SIK2: variants seen among roughly 807,000 people sequenced by gnomAD.
The protein encoded by SIK2 is salt inducible kinase 2, also known as serine/threonine-protein kinase SIK2.
Under a neutral mutation model 103.2 loss-of-function variants are expected in SIK2, and 29 were observed. The observed-to-expected ratio is 0.28, with a 90% confidence interval of 0.21 to 0.38. The LOEUF is 0.38. Ranked by LOEUF, SIK2 falls within the 10% of genes least tolerant of loss-of-function variation. SIK2 has a pLI of 1.00. For synonymous variants in SIK2, 412 were observed against 446.1 expected (o/e 0.92, Z 0.96); for missense variants, 879 against 1,171.0 (o/e 0.75, Z 3.64).
At chr11:111,721,477 CATACTAAAA>C (rs1466917718) in intron 12 of SIK2, among the ~76,000 whole-genome samples, 1 of 152,178 alleles carries the variant, frequency 6.6e-6, no homozygotes, top group Non-Finnish European at 1.5e-5. Flanking sequence ...GTGGATTATT[CATACTAAAA>C]ATACAATAAA....
intron 9 of SIK2, 115 bp downstream of exon 9, chr11:111,712,490 G>C: frequency 9.0e-7 from 1 of 1,109,676 alleles, no homozygotes; most frequent in Non-Finnish European, 1.3e-6. Context: ...AGTCACTCAG[G>C]AGTGATGCTT....
At chr11:111,698,266 C>G (rs1278068244) in intron 4 of SIK2, among the ~76,000 whole-genome samples, 1 of 152,190 alleles carries the variant, frequency 6.6e-6, no homozygotes, top group Non-Finnish European at 1.5e-5. Context: ...TACCACGGGT[C>G]CAGAGAAGTG....
At chr11:111,697,829 C>T (rs1565366329) in intron 4 of SIK2, among the ~76,000 whole-genome samples, 1 of 151,188 alleles carries the variant, frequency 6.6e-6, no homozygotes, top group Non-Finnish European at 1.5e-5. Context: ...TGTCTCTACC[C>T]AAAAAAAGGA....
At chr11:111,632,545 T>C (rs1591595034) in intron 3 of SIK2, among the ~76,000 whole-genome samples, 1 of 152,132 alleles carries the variant, frequency 6.6e-6, no homozygotes, top group Non-Finnish European at 1.5e-5. Flanking sequence ...TCAGAAACCT[T>C]ATAAGATGGA....
chr11:111,662,772 G>C (rs1265371411), intron 3 of SIK2, among the ~76,000 whole-genome samples: 2 of 151,992 alleles, frequency 1.3e-5, no homozygotes, highest in East Asian at 1.9e-4. Flanking sequence ...CAGTTACTTG[G>C]GGGGCTGAGG....
intron 4 of SIK2, among the ~76,000 whole-genome samples, chr11:111,693,301 T>TGGTG (rs1942993934): frequency 6.7e-6 from 1 of 148,460 alleles, no homozygotes; most frequent in African/African-American, 2.5e-5. Context: ...GCCACTGCCC[T>TGGTG]CCAGCCTGGT....
At chr11:111,680,482 A>G (rs1191489257) in intron 3 of SIK2, among the ~76,000 whole-genome samples, 1 of 152,240 alleles carries the variant, frequency 6.6e-6, no homozygotes, top group Non-Finnish European at 1.5e-5. Flanking sequence ...CTCCAAAATT[A>G]CAAACCGATG....
At position 111,705,438 on chromosome 11, in the gene SIK2, C is replaced by T. The variant is rs888189331; in HGVS notation, c.1101+299C>T. ...ATTTTTATTACAGATTTACCACGTG[C>T]GAGCTTCTATTCTTAGGCACTGTTG... is the stretch of plus-strand genomic sequence containing the variant. On this transcript the variant is annotated intron_variant, in intron 8 of 14. Coordinates refer to ENST00000304987, the MANE Select transcript of SIK2 (RefSeq NM_015191.3). This position sits in a 1 kb window ranked among gnomAD's most constrained non-coding sequence, Gnocchi z 4.3. 8.5e-5 allele frequency among the ~76,000 whole-genome samples: 13 copies of T among 152,164 alleles called. No homozygotes were observed. Among genetic ancestry groups the T allele is most frequent in the African/African-American group, 2.4e-4 (10 of 41,436 alleles).
At chr11:111,635,234 C>T (rs189428579) in intron 3 of SIK2, among the ~76,000 whole-genome samples, 1 of 152,110 alleles carries the variant, frequency 6.6e-6, no homozygotes, top group East Asian at 1.9e-4. Context: ...CCGCCATTGA[C>T]TTCTACTATA....
At chr11:111,661,126 T>G (rs1331519047) in intron 3 of SIK2, among the ~76,000 whole-genome samples, 2 of 152,156 alleles carry the variant, frequency 1.3e-5, no homozygotes, top group Non-Finnish European at 2.9e-5. Flanking sequence ...ACTCTTTCTC[T>G]TTGCTTGGTA....
chr11:111,608,036 G>T (rs1475363018), intron 1 of SIK2, among the ~76,000 whole-genome samples: 1 of 152,178 alleles, frequency 6.6e-6, no homozygotes, highest in Non-Finnish European at 1.5e-5. Context: ...GGAGGCAAAT[G>T]GGTTCCAGAA....
In SIK2 at chr11:111,612,915, G is replaced by GATATATATATATATATAT. The variant is rs67675103; in HGVS notation, c.136-3313_136-3296dup. ...CCTTAGAAACAAGGGATAGCAATGG[G>GATATATATATATATATAT]ATATATATATATATATATATATATA... On this transcript the variant is annotated intron_variant, in intron 1 of 14. Transcript: ENST00000304987. Among the ~76,000 whole-genome samples the GATATATATATATATATAT allele has an allele frequency of 8.8e-3, 434 of 49,420 alleles. 7 individuals carry two copies. The highest frequency in any genetic ancestry group is 0.015 in the East Asian group (4 of 260). The allele number at this position is 49,420 out of a possible 152,430, so 32.4% of individuals were successfully genotyped here. A position where few individuals can be genotyped will look rare whatever the true frequency, so the allele number is the denominator to read the frequency against.
intron 3 of SIK2, among the ~76,000 whole-genome samples, chr11:111,629,233 TA>T (rs2135847455): frequency 6.6e-6 from 1 of 152,354 alleles, no homozygotes; most frequent in East Asian, 1.9e-4. Flanking sequence ...CTGTCTAAAG[TA>T]CTTGATTTAT....
Position 111,654,552 on chromosome 11 carries a change from A to G in SIK2, c.317-33449A>G, listed in dbSNP as rs1255303483. ...ACCCTGTTTATAGTTCTATCTGTGT[A>G]AAAACCAAATTATGAGTTACTTAAA... On this transcript the variant is annotated intron_variant, in intron 3 of 14. Transcript: ENST00000304987. Among the ~76,000 whole-genome samples, 4 of 152,178 alleles carry G rather than the reference A, an allele frequency of 2.6e-5. 1 individual carries two copies. The South Asian group carries it at 6.2e-4, about 24-fold the overall frequency.
At chr11:111,616,962 A>G (rs1042374083) in intron 2 of SIK2, among the ~76,000 whole-genome samples, 1 of 152,238 alleles carries the variant, frequency 6.6e-6, no homozygotes, top group African/African-American at 2.4e-5. Context: ...TGAAAATACA[A>G]CCACTAAACT....
rs188376238 is a variant in SIK2, at chr11:111,728,555, C to G, written c.*4426C>G. On this transcript the variant is annotated 3_prime_UTR_variant, in exon 15 of 15. Coordinates refer to ENST00000304987, the MANE Select transcript of SIK2 (RefSeq NM_015191.3). ...CCACCCACCTTGGCCTCCCAAAGTA[C>G]TGGGATTACAGGTGTGAGCCACCAC... The G allele has an allele frequency of 1.3e-5, 2 of 152,226 alleles. No homozygotes were observed. The highest frequency in any genetic ancestry group is 4.8e-5 in the African/African-American group (2 of 41,518). 9.4% of individuals were successfully genotyped at this position (152,226 alleles called of 1,614,324 possible). A position where few individuals can be genotyped will look rare whatever the true frequency, so the allele number is the denominator to read the frequency against.
rs191490442 is a variant in SIK2 at position 111,634,824 on chromosome 11, A to G, written c.316+14422A>G. 3.9e-5 allele frequency among the ~76,000 whole-genome samples: 6 copies of G among 152,326 alleles called. No individual in the cohort carries two copies. The East Asian group carries it at 7.7e-4, about 20-fold the overall frequency. On this transcript the variant is annotated intron_variant, in intron 3 of 14. Coordinates refer to ENST00000304987, the MANE Select transcript of SIK2 (RefSeq NM_015191.3). ...GTTGTATGGGTTTTATTGACTGAAC[A>G]TGATCTGCTATGCAGATTTACAGAC...
chr11:111,614,964 C>A (rs755601142), intron 1 of SIK2, among the ~76,000 whole-genome samples: 3 of 151,900 alleles, frequency 2.0e-5, no homozygotes, highest in Non-Finnish European at 4.4e-5. Flanking sequence ...CGTGGTGAAA[C>A]CCCATCTCTA....
At chr11:111,643,913 G>T (rs1296759901) in intron 3 of SIK2, among the ~76,000 whole-genome samples, 1 of 152,050 alleles carries the variant, frequency 6.6e-6, no homozygotes, top group Non-Finnish European at 1.5e-5. Context: ...AGCCCAGGAG[G>T]TCGAGGCTAC....
Sources: allele counts gnomAD v4.1 joint callset (sites outside exome capture counted in the v4.1 genomes callset), GRCh38; gene constraint gnomAD v4.1.1; non-coding constraint Gnocchi (gnomAD v3.1); transcripts MANE v1.5; gene names NCBI Gene and HGNC (gene_info 2026-07-23, HGNC 2026-07-21).